The following ASTN2 variants were observed in gnomAD, a reference collection of about 807,000 sequenced individuals.
The protein encoded by ASTN2 is astrotactin 2.
In ASTN2, 54 loss-of-function variants were observed where a neutral mutation model predicts 139.8. That is an observed-to-expected ratio of 0.39 (90% CI 0.31 to 0.48). The LOEUF (loss-of-function observed/expected upper bound fraction) is 0.48. Ranked by LOEUF, ASTN2 falls within the 20% of genes least tolerant of loss-of-function variation. The pLI, the probability that ASTN2 is intolerant of heterozygous loss-of-function variation, is 0.95. For synonymous variants in ASTN2, 756 were observed against 719.5 expected (o/e 1.05, Z -0.81); for missense variants, 1,565 against 1,725.1 (o/e 0.91, Z 1.64).
intron 2 of ASTN2, among the ~76,000 whole-genome samples, chr9:117,251,542 GA>G (rs1476606064): frequency 6.6e-6 from 1 of 152,088 alleles, no homozygotes; most frequent in Non-Finnish European, 1.5e-5. Context: ...CACATGGCAG[GA>G]ACTCAATAAA....
chr9:116,673,480 C>G (rs1424407163), intron 16 of ASTN2, among the ~76,000 whole-genome samples: 1 of 152,198 alleles, frequency 6.6e-6, no homozygotes, highest in East Asian at 1.9e-4. Flanking sequence ...TGTTGAAAGC[C>G]TAATCTCCAG....
chr9:116,893,055 T>A (rs1833801810), intron 10 of ASTN2, among the ~76,000 whole-genome samples: 2 of 152,074 alleles, frequency 1.3e-5, no homozygotes, highest in South Asian at 4.2e-4. Context: ...ATCACACTTA[T>A]TATTTATTTT....
intron 10 of ASTN2, among the ~76,000 whole-genome samples, chr9:116,918,981 G>A (rs2132432583): frequency 6.6e-6 from 1 of 151,740 alleles, no homozygotes; most frequent in Middle Eastern, 3.4e-3. Context: ...ATTTAAAATT[G>A]TTGCTATTTA....
At chr9:116,752,768 A>C (rs1588265051) in intron 13 of ASTN2, among the ~76,000 whole-genome samples, 1 of 152,236 alleles carries the variant, frequency 6.6e-6, no homozygotes, top group African/African-American at 2.4e-5. Context: ...ATGAATGTAC[A>C]CACATCATCC....
In ASTN2 at chr9:117,096,086, T is replaced by A; in HGVS notation, c.1234A>T (p.Thr412Ser). Reference sequence around the variant, plus strand: ...CTGCGGTACTGCTCCGTGTAGAATGTCAGCTGAGTTTCATCGTCTGCCTCT... The same window carrying A: ...CTGCGGTACTGCTCCGTGTAGAATGACAGCTGAGTTTCATCGTCTGCCTCT... ...GSEADDETQL[T>S]FYTEQYRSRR... is the part of the protein sequence containing the mutation. Residue 412 changes from threonine to serine, a missense_variant, in exon 5 of 23, where the codon ACA becomes TCA. Coordinates refer to ENST00000313400, the MANE Select transcript of ASTN2 (RefSeq NM_001365068.1). 9.3e-6 allele frequency: 15 copies of A among 1,614,056 alleles called. No individual in the cohort carries two copies. Among genetic ancestry groups the A allele is most frequent in the African/African-American group, 1.3e-5 (1 of 75,034 alleles).
At chr9:117,030,029 C>A (rs141268916) in intron 6 of ASTN2, among the ~76,000 whole-genome samples, 5 of 147,632 alleles carry the variant, frequency 3.4e-5, no homozygotes, top group African/African-American at 5.0e-5. Flanking sequence ...TTAAAAAAAA[C>A]GCTGAAGTTT....
intron 1 of ASTN2, among the ~76,000 whole-genome samples, chr9:117,301,868 G>A (rs1834883747): frequency 6.6e-6 from 1 of 152,134 alleles, no homozygotes; most frequent in South Asian, 2.1e-4. Context: ...AACAAATTAA[G>A]TTCACCTCTC....
chr9:117,046,101 A>C (rs972661329), intron 5 of ASTN2, among the ~76,000 whole-genome samples: 1 of 152,038 alleles, frequency 6.6e-6, no homozygotes, highest in Non-Finnish European at 1.5e-5. Flanking sequence ...CCCAGGTTCA[A>C]GCAATTCTCC....
At chr9:116,878,715 A>T (rs182125839) in intron 10 of ASTN2, among the ~76,000 whole-genome samples, 6 of 147,958 alleles carry the variant, frequency 4.1e-5, no homozygotes, top group Admixed American at 1.3e-4. Context: ...TTATTTTTTT[A>T]AAAAAAGAAA....
At chr9:117,225,535 G>GTGTATATATATATATATATATATA (rs372269409) in intron 2 of ASTN2, among the ~76,000 whole-genome samples, 8 of 63,962 alleles carry the variant, frequency 1.3e-4, no homozygotes, top group African/African-American at 3.1e-4. Flanking sequence ...CAAGCTGTAT[G>GTGTATATATATATATATATATATA]TATATATATA....
chr9:117,372,296 G>C (rs1432799551), intron 1 of ASTN2, among the ~76,000 whole-genome samples: 1 of 152,112 alleles, frequency 6.6e-6, no homozygotes, highest in Non-Finnish European at 1.5e-5. Flanking sequence ...TTCCCCCAGA[G>C]GGTGAAGAAG....
At chr9:116,462,532 G>A (rs1848518779) in intron 20 of ASTN2, among the ~76,000 whole-genome samples, 5 of 152,114 alleles carry the variant, frequency 3.3e-5, no homozygotes, top group Admixed American at 3.3e-4. Context: ...CAAGGGGCAG[G>A]TGTAGAAAAA....
At chr9:116,791,717 C>T (rs1315081657) in intron 13 of ASTN2, among the ~76,000 whole-genome samples, 1 of 152,148 alleles carries the variant, frequency 6.6e-6, no homozygotes, top group Non-Finnish European at 1.5e-5. Flanking sequence ...GCGTTTAGAC[C>T]AGCCTGAGTT....
intron 1 of ASTN2, among the ~76,000 whole-genome samples, chr9:117,392,825 A>G (rs1830577309): frequency 6.6e-6 from 1 of 152,230 alleles, no homozygotes; most frequent in Non-Finnish European, 1.5e-5. Context: ...AGAGCAGCAG[A>G]GGAGGTTGAG....
At chr9:117,234,820 C>T (rs1167411301) in intron 2 of ASTN2, among the ~76,000 whole-genome samples, 1 of 152,152 alleles carries the variant, frequency 6.6e-6, no homozygotes. Context: ...CCTTGGTGGC[C>T]ATTTCAAGGT....
intron 16 of ASTN2, among the ~76,000 whole-genome samples, chr9:116,692,990 A>G (rs1160685822): frequency 6.6e-6 from 1 of 152,178 alleles, no homozygotes; most frequent in African/African-American, 2.4e-5. Context: ...GGCATTCTCA[A>G]TCAAAACTCT....
At chr9:116,837,945 C>A (rs1832056399) in intron 11 of ASTN2, among the ~76,000 whole-genome samples, 1 of 152,072 alleles carries the variant, frequency 6.6e-6, no homozygotes, top group Admixed American at 6.5e-5. Context: ...TGAGCTAGTC[C>A]CTTGGCTTGT....
intron 22 of ASTN2, among the ~76,000 whole-genome samples, chr9:116,427,197 C>G (rs113713095): frequency 2.5e-3 from 388 of 152,200 alleles, no homozygotes; most frequent in African/African-American, 8.7e-3. Flanking sequence ...TTAGCAGCAT[C>G]CCAGGGCCCC....
chr9:117,008,352 C>T, intron 6 of ASTN2, 93 bp from the exon 7 acceptor site: 1 of 1,170,794 alleles, frequency 8.5e-7, no homozygotes, highest in South Asian at 2.0e-5. Flanking sequence ...AAGCCACGTT[C>T]CCCAGGTCAT....
Sources: allele counts gnomAD v4.1 joint callset (sites outside exome capture counted in the v4.1 genomes callset), GRCh38; gene constraint gnomAD v4.1.1; transcripts MANE v1.5; gene names NCBI Gene and HGNC (gene_info 2026-07-23, HGNC 2026-07-21).